Variants in MBD5 observed in about 807,000 individuals in gnomAD.
MBD5 encodes the protein methyl-CpG-binding domain protein 5.
MBD5 carries 13 observed loss-of-function variants against 117.3 expected under a neutral mutation model. The ratio of observed to expected loss-of-function variants is 0.11; its 90% CI spans 0.07 to 0.18. The LOEUF (loss-of-function observed/expected upper bound fraction) is 0.18, where lower values mean the gene tolerates loss of function less well. Ranked by LOEUF, MBD5 falls within the 10% of genes least tolerant of loss-of-function variation. The pLI, the probability that MBD5 is intolerant of heterozygous loss-of-function variation, is 1.00. For synonymous variants in MBD5, 727 were observed against 766.4 expected (o/e 0.95, Z 0.85); for missense variants, 1,879 against 2,093.8 (o/e 0.90, Z 2.00).
intron 3 of MBD5, among the ~76,000 whole-genome samples, chr2:148,273,524 A>C (rs1033737982): frequency 1.1e-4 from 17 of 152,156 alleles, no homozygotes; most frequent in Admixed American, 1.1e-3. Flanking sequence ...AGTAACCCCT[A>C]CCAAGAAACT....
chr2:148,236,710 G>C (rs1282841730), intron 3 of MBD5, among the ~76,000 whole-genome samples: 1 of 152,146 alleles, frequency 6.6e-6, no homozygotes, highest in African/African-American at 2.4e-5. Context: ...ATGAGCATTG[G>C]CTTGAACCTA....
chr2:148,376,267 CTTTTCT>C, intron 4 of MBD5, among the ~76,000 whole-genome samples: 1 of 104,700 alleles, frequency 9.6e-6, no homozygotes, highest in Non-Finnish European at 1.8e-5. Flanking sequence ...TTTTTCTTTT[CTTTTCT>C]TTTTTTTTTT....
chr2:148,062,155 A>G (rs376490449), intron 1 of MBD5: 1 of 151,744 alleles, frequency 6.6e-6, no homozygotes, highest in Non-Finnish European at 1.5e-5. Flanking sequence ...TTTTGTTGCC[A>G]TCTTAACCTT....
chr2:148,126,695 A>T (rs1696904709), intron 1 of MBD5, among the ~76,000 whole-genome samples: 1 of 152,090 alleles, frequency 6.6e-6, no homozygotes, highest in Non-Finnish European at 1.5e-5. Flanking sequence ...AATAGAAATA[A>T]TGACAGTAAT....
At chr2:148,050,124 A>C (rs1694653225) in intron 1 of MBD5, among the ~76,000 whole-genome samples, 2 of 152,086 alleles carry the variant, frequency 1.3e-5, no homozygotes, top group African/African-American at 2.4e-5. Context: ...GAACTACCAA[A>C]CTGTTTTTCA....
intron 1 of MBD5, among the ~76,000 whole-genome samples, chr2:148,173,838 T>C (rs1417835619): frequency 6.6e-6 from 1 of 152,220 alleles, no homozygotes; most frequent in Non-Finnish European, 1.5e-5. Flanking sequence ...TTGAAGAAAC[T>C]AATATTCTTA....
chr2:148,221,290 G>A (rs1043622194), intron 2 of MBD5, among the ~76,000 whole-genome samples: 2 of 152,138 alleles, frequency 1.3e-5, no homozygotes, highest in Non-Finnish European at 1.5e-5. Context: ...ATACCCAGCA[G>A]TGAGATTACT....
chr2:148,275,380 A>G (rs1701083895), intron 3 of MBD5, among the ~76,000 whole-genome samples: 1 of 152,166 alleles, frequency 6.6e-6, no homozygotes, highest in Non-Finnish European at 1.5e-5. Context: ...CAGAGAAACA[A>G]AATTAGTGGG....
At chr2:148,028,518 C>T (rs1316046567) in intron 1 of MBD5, 1 of 152,010 alleles carries the variant, frequency 6.6e-6, no homozygotes, top group Non-Finnish European at 1.5e-5. Context: ...TTTTTATACA[C>T]CATGAGTCCA....
At chr2:148,382,407 A>C (rs1170953739) in intron 4 of MBD5, among the ~76,000 whole-genome samples, 1 of 152,238 alleles carries the variant, frequency 6.6e-6, no homozygotes, top group Non-Finnish European at 1.5e-5. Flanking sequence ...AGAACTAACT[A>C]TGCTAAATAT....
Position 148,489,802 on chromosome 2 carries a change from G to A in MBD5, c.4170G>A (p.Arg1390=), listed in dbSNP as rs1312513915. 2 of 1,614,114 alleles carry A rather than the reference G, an allele frequency of 1.2e-6. No individual in the cohort carries two copies. The highest frequency in any genetic ancestry group is 1.7e-6 in the Non-Finnish European group (2 of 1,180,026). Residue 1390 remains arginine (R), a synonymous_variant, in exon 11 of 14, where the codon AGG becomes AGA. Coordinates refer to ENST00000642680, the MANE Select transcript of MBD5 (RefSeq NM_001378120.1). ...TGGGAGGTGTTGATCATGATGGTAG[G>A]CTGAGGAATTCAAGAGGGGCTCGGC... is the stretch of plus-strand genomic sequence containing the variant. ...RNMGGVDHDG[R]LRNSRGARLP...
In MBD5 at chr2:148,485,923, C is replaced by T. The variant is rs144464864; in HGVS notation, c.3726C>T (p.Pro1242=). The part of the protein sequence containing the change: ...STIPCPANNN[P]MACLFQNFQV... ...TTCCTTGCCCAGCTAACAATAACCCCATGGCTTGTCTGTTTCAGAACTTTC... is the reference window on the plus strand; with the variant it reads ...TTCCTTGCCCAGCTAACAATAACCCTATGGCTTGTCTGTTTCAGAACTTTC... The change falls in exon 10 of 14, where the codon CCC becomes CCT. Residue 1242 remains proline (P), a synonymous_variant. Transcript: ENST00000642680. 1.0e-4 allele frequency: 167 copies of T among 1,613,956 alleles called. No individual in the cohort carries two copies. Among genetic ancestry groups the T allele is most frequent in the Non-Finnish European group, 1.4e-4 (161 of 1,179,962 alleles).
chr2:148,476,088 C>G (rs935635696), intron 8 of MBD5, among the ~76,000 whole-genome samples: 1 of 152,108 alleles, frequency 6.6e-6, no homozygotes, highest in African/African-American at 2.4e-5. Context: ...CAGGGAAGTC[C>G]GTATTATCTA....
chr2:148,137,063 A>T (rs1021232796), intron 1 of MBD5, among the ~76,000 whole-genome samples: 1 of 152,086 alleles, frequency 6.6e-6, no homozygotes, highest in African/African-American at 2.4e-5. Flanking sequence ...TGCCCAGCCC[A>T]GTTCCTTCTT....
intron 2 of MBD5, among the ~76,000 whole-genome samples, chr2:148,224,509 A>ATT (rs34659671): frequency 4.5e-4 from 26 of 58,182 alleles, no homozygotes; most frequent in African/African-American, 1.0e-3. Context: ...CGCCTGGCTA[A>ATT]TTTTTTTTTT....
intron 1 of MBD5, among the ~76,000 whole-genome samples, chr2:148,146,669 T>G (rs1219166966): frequency 6.6e-6 from 1 of 152,138 alleles, no homozygotes; most frequent in African/African-American, 2.4e-5. Flanking sequence ...GGGAGCTATT[T>G]AAAAAAATTA....
rs979800056 is a variant in MBD5 at position 148,516,506 on chromosome 2, T to C, written c.*3565T>C. On this transcript the variant is annotated 3_prime_UTR_variant, in exon 14 of 14. Coordinates refer to ENST00000642680, the MANE Select transcript of MBD5 (RefSeq NM_001378120.1). ...ACAAAAATTATCAACCAGCCAGAACTGTAATATTTAATTAGTTCATCTTTT... is the reference window on the plus strand; with the variant it reads ...ACAAAAATTATCAACCAGCCAGAACCGTAATATTTAATTAGTTCATCTTTT... 6.6e-6 allele frequency: 1 copy of C among 152,212 alleles called. No individual in the cohort carries two copies. 9.4% of individuals were successfully genotyped at this position (152,212 alleles called of 1,614,324 possible). A position where few individuals can be genotyped will look rare whatever the true frequency, so the allele number is the denominator to read the frequency against.
At chr2:148,164,258 G>T (rs1418300442) in intron 1 of MBD5, among the ~76,000 whole-genome samples, 1 of 152,154 alleles carries the variant, frequency 6.6e-6, no homozygotes, top group African/African-American at 2.4e-5. Flanking sequence ...ATTAACAGGG[G>T]AGAGGTTTGA....
intron 3 of MBD5, among the ~76,000 whole-genome samples, chr2:148,309,262 G>C (rs917587306): frequency 6.6e-6 from 1 of 152,098 alleles, no homozygotes; most frequent in African/African-American, 2.4e-5. Flanking sequence ...CCATTTTCAC[G>C]ATATTGATTC....
Sources: allele counts gnomAD v4.1 joint callset (sites outside exome capture counted in the v4.1 genomes callset), GRCh38; gene constraint gnomAD v4.1.1; transcripts MANE v1.5; gene names NCBI Gene and HGNC (gene_info 2026-07-23, HGNC 2026-07-21).